Variants in LIPA observed in about 807,000 individuals in gnomAD.
LIPA encodes the protein lipase A, lysosomal acid type, also known as lysosomal acid lipase/cholesteryl ester hydrolase.
Under a neutral mutation model 40.6 loss-of-function variants are expected in LIPA, and 26 were observed. The observed-to-expected ratio is 0.64, with a 90% confidence interval of 0.47 to 0.89. LIPA has a LOEUF of 0.89. Ranked by LOEUF, LIPA falls within the 40% of genes least tolerant of loss-of-function variation. LIPA has a pLI of 0.00. For missense variants in LIPA, 455 were observed against 479.6 expected, an observed-to-expected ratio of 0.95 and a Z score of 0.48; for synonymous variants, 188 against 168.4, an observed-to-expected ratio of 1.12 and a Z score of -0.90.
At chr10:89,383,443 C>T in intron 2 of LIPA, 1 of 1,614,208 alleles carries the variant, frequency 6.2e-7, no homozygotes, top group Non-Finnish European at 8.5e-7. Context: ...GGAAGAGATT[C>T]AGTTCCTGGA....
rs1184336355 is a variant in LIPA at position 89,384,786 on chromosome 10, T to C, written c.61+28005A>G. The C allele has an allele frequency of 2.1e-6, 3 of 1,409,562 alleles. No individual in the cohort carries two copies. The African/African-American group carries it at 4.3e-5, about 20-fold the overall frequency. 87.3% of individuals were successfully genotyped at this position (1,409,562 alleles called of 1,614,324 possible). On this transcript the variant is annotated intron_variant, in intron 2 of 8. Coordinates refer to the LIPA transcript ENST00000371837. Reference sequence around the variant, plus strand: ...TTAATGGTCTTATAACTAAATAGAATGACTATGAAATTAAATAATGCAAAC... The same window carrying C: ...TTAATGGTCTTATAACTAAATAGAACGACTATGAAATTAAATAATGCAAAC...
Position 89,214,636 on chromosome 10 carries a change from T to G in LIPA, c.*192A>C. The G allele has an allele frequency of 1.8e-6, 1 of 564,524 alleles. No homozygotes were observed. The highest frequency in any genetic ancestry group is 3.1e-6 in the Non-Finnish European group (1 of 318,500). 35.0% of individuals were successfully genotyped at this position (564,524 alleles called of 1,614,324 possible). A position where few individuals can be genotyped will look rare whatever the true frequency, so the allele number is the denominator to read the frequency against. The stretch of plus-strand genomic sequence containing the variant: ...CACTGGCTTCCTATTCCAGCCCTAA[T>G]TAAAGAAAAAATAGCTAGTATGTTT... On this transcript the variant is annotated 3_prime_UTR_variant, in exon 10 of 10. Transcript: ENST00000336233.
intron 2 of LIPA, among the ~76,000 whole-genome samples, chr10:89,381,209 T>C (rs1173344643): frequency 6.6e-6 from 1 of 152,156 alleles, no homozygotes; most frequent in African/African-American, 2.4e-5. Flanking sequence ...GTAATGGAAG[T>C]CTGTGTGGAT....
At chr10:89,373,208 G>T (rs2133598329) in intron 2 of LIPA, among the ~76,000 whole-genome samples, 1 of 152,002 alleles carries the variant, frequency 6.6e-6, no homozygotes, top group East Asian at 1.9e-4. Context: ...GGTGGTGGGT[G>T]CCTGTAATCC....
intron 1 of LIPA, among the ~76,000 whole-genome samples, chr10:89,302,365 C>T (rs1183028553): frequency 6.6e-6 from 1 of 152,106 alleles, no homozygotes; most frequent in Non-Finnish European, 1.5e-5. Flanking sequence ...AACTGCACGC[C>T]TGGGGAGTTG....
intron 2 of LIPA, chr10:89,412,579 G>A (rs304440): frequency 0.63 from 106,610 of 169,104 alleles, 36,133 homozygotes; most frequent in African/African-American, 0.89. Flanking sequence ...TCTTCGCAAC[G>A]AATCTTGCTG....
chr10:89,327,550 C>CA (rs199597063), intron 1 of LIPA, among the ~76,000 whole-genome samples: 4,125 of 147,270 alleles, frequency 0.028, 84 homozygotes, highest in Middle Eastern at 0.079. Context: ...GACTCTGTCT[C>CA]AAAAAAAAAC....
At position 89,301,324 on chromosome 10, in the gene LIPA, C is replaced by T. The variant is rs942178151; in HGVS notation, c.-2+41287G>A. ...GGTTGTTTTGCAGGGACTGGAGATT[C>T]AGCAATGATTCAGACTAAAATCCCC... On this transcript the variant is annotated intron_variant, in intron 1 of 5. Coordinates refer to the LIPA transcript ENST00000282673. 5.5e-4 allele frequency among the ~76,000 whole-genome samples: 84 copies of T among 152,226 alleles called. 6 individuals carry two copies. Among genetic ancestry groups the T allele is most frequent in the Non-Finnish European group, 4.4e-5 (3 of 68,034 alleles).
At chr10:89,372,680 T>C (rs917594272) in intron 2 of LIPA, among the ~76,000 whole-genome samples, 1 of 152,196 alleles carries the variant, frequency 6.6e-6, no homozygotes, top group Non-Finnish European at 1.5e-5. Flanking sequence ...GCTAACAATA[T>C]GTTTGGATCG....
intron 8 of LIPA, among the ~76,000 whole-genome samples, chr10:89,217,324 T>C (rs1324927776): frequency 6.6e-6 from 1 of 152,216 alleles, no homozygotes; most frequent in African/African-American, 2.4e-5. Context: ...GGAGAAATAT[T>C]TGGCATCTGT....
chr10:89,324,327 A>G (rs543468662), intron 1 of LIPA, among the ~76,000 whole-genome samples: 172 of 152,332 alleles, frequency 1.1e-3, no homozygotes, highest in Non-Finnish European at 1.9e-3. Flanking sequence ...CTAGCCATAT[A>G]TAGAAGACTG....
chr10:89,387,760 T>C (rs1844220460), intron 2 of LIPA, among the ~76,000 whole-genome samples: 1 of 152,200 alleles, frequency 6.6e-6, no homozygotes, highest in African/African-American at 2.4e-5. Flanking sequence ...AAAGAAAATA[T>C]AAAATAAATG....
At chr10:89,307,059 T>C (rs1486063708) in intron 1 of LIPA, 2 of 1,613,922 alleles carry the variant, frequency 1.2e-6, no homozygotes, top group Admixed American at 1.7e-5. Context: ...CTTACTCCTG[T>C]AGCGAAACAA....
Position 89,363,671 on chromosome 10 carries a change from G to A in LIPA, c.61+49120C>T, listed in dbSNP as rs1844037428. On this transcript the variant is annotated intron_variant, in intron 2 of 8. Coordinates refer to the LIPA transcript ENST00000371837. ...AGGCACCTGTTGTCCCAGCTACTCG[G>A]GAGGCTGAGGCAGGAGAATGGCGTG... is the stretch of plus-strand genomic sequence containing the variant. Among the ~76,000 whole-genome samples the A allele has an allele frequency of 2.0e-5, 3 of 151,682 alleles. No homozygotes were observed. The South Asian group carries it at 6.2e-4, about 32-fold the overall frequency.
intron 1 of LIPA, among the ~76,000 whole-genome samples, chr10:89,272,127 A>G (rs1268717387): frequency 2.0e-5 from 3 of 152,178 alleles, no homozygotes; most frequent in African/African-American, 7.2e-5. Flanking sequence ...CATATGCACA[A>G]TGTTCAGGTT....
chr10:89,338,937 A>G, intron 1 of LIPA: 1 of 1,614,194 alleles, frequency 6.2e-7, no homozygotes, highest in Non-Finnish European at 8.5e-7. Context: ...TCAGAAGTCT[A>G]GTCACTTGGG....
rs1062962 is a variant in LIPA at position 89,384,064 on chromosome 10, G to T, written c.61+28727C>A. ...AGCTCTGACCAGTATATCTTCACAG[G>T]CCTATGTCTTTCAATATGCAGCCAA... On this transcript the variant is annotated intron_variant, in intron 2 of 8. Transcript: ENST00000371837. 3.0e-4 allele frequency: 483 copies of T among 1,614,188 alleles called. 7 individuals carry two copies. The South Asian group carries it at 5.0e-3, about 17-fold the overall frequency.
intron 1 of LIPA, among the ~76,000 whole-genome samples, chr10:89,302,291 T>G (rs1564780298): frequency 6.6e-6 from 1 of 152,144 alleles, no homozygotes; most frequent in Non-Finnish European, 1.5e-5. Flanking sequence ...TTACCAATGG[T>G]GGTTTGTTCC....
chr10:89,355,664 G>T (rs1843984806), intron 2 of LIPA, among the ~76,000 whole-genome samples: 1 of 152,168 alleles, frequency 6.6e-6, no homozygotes, highest in South Asian at 2.1e-4. Context: ...CAAGATACAG[G>T]TCAAAAAGGC....
Sources: allele counts gnomAD v4.1 joint callset (sites outside exome capture counted in the v4.1 genomes callset), GRCh38; gene constraint gnomAD v4.1.1; transcripts MANE v1.5; gene names NCBI Gene and HGNC (gene_info 2026-07-23, HGNC 2026-07-21).